The following SYN3 variants were observed in gnomAD, a reference collection of about 807,000 sequenced individuals.
SYN3 encodes the protein synapsin III, also known as synapsin-3.
Under a neutral mutation model 65.8 loss-of-function variants are expected in SYN3, and 35 were observed. The ratio of observed to expected loss-of-function variants is 0.53; its 90% CI spans 0.41 to 0.70. SYN3 has a LOEUF of 0.70. Ranked by LOEUF, SYN3 falls within the 30% of genes least tolerant of loss-of-function variation. The pLI is 0.00. For missense variants in SYN3, 680 were observed against 749.0 expected, an observed-to-expected ratio of 0.91 and a Z score of 1.08; for synonymous variants, 270 against 292.9, an observed-to-expected ratio of 0.92 and a Z score of 0.80.
intron 6 of SYN3, among the ~76,000 whole-genome samples, chr22:32,638,891 G>A (rs985110259): frequency 1.3e-5 from 2 of 152,108 alleles, no homozygotes; most frequent in African/African-American, 4.8e-5. Flanking sequence ...TCTTTCCCAA[G>A]GCCTGTGTTT....
intron 6 of SYN3, chr22:32,857,141 C>CT (rs1489805683): frequency 1.2e-6 from 1 of 839,340 alleles, no homozygotes; most frequent in East Asian, 2.5e-5. Context: ...ACCCCTCTTC[C>CT]ATATTCCGAT....
At chr22:32,999,535 T>A (rs1200765464) in intron 2 of SYN3, among the ~76,000 whole-genome samples, 1 of 151,882 alleles carries the variant, frequency 6.6e-6, no homozygotes, top group Non-Finnish European at 1.5e-5. Context: ...ATACAAAAAT[T>A]AGCTGGGCGT....
chr22:32,830,015 G>A (rs971846464), intron 6 of SYN3, among the ~76,000 whole-genome samples: 5 of 152,168 alleles, frequency 3.3e-5, no homozygotes, highest in Admixed American at 1.3e-4. Context: ...AATGTCCCTC[G>A]CTTCAACCTG....
intron 3 of SYN3, among the ~76,000 whole-genome samples, chr22:32,940,703 A>G (rs2050911300): frequency 6.6e-6 from 1 of 152,142 alleles, no homozygotes; most frequent in Non-Finnish European, 1.5e-5. Flanking sequence ...TAAATTCTCT[A>G]TTTTATTCTA....
intron 12 of SYN3, among the ~76,000 whole-genome samples, chr22:32,519,963 CTG>C (rs917178467): frequency 3.3e-5 from 5 of 152,152 alleles, no homozygotes; most frequent in African/African-American, 1.2e-4. Context: ...CACAACAGCT[CTG>C]TGGGTTAGGC....
chr22:32,850,688 C>A (rs1337687161), intron 6 of SYN3, among the ~76,000 whole-genome samples: 5 of 152,144 alleles, frequency 3.3e-5, no homozygotes, highest in African/African-American at 1.2e-4. Flanking sequence ...AACTGTCCAG[C>A]CCTTTAACTT....
intron 1 of SYN3, among the ~76,000 whole-genome samples, chr22:33,034,749 G>A (rs9609686): frequency 0.18 from 27,437 of 152,080 alleles, 2,807 homozygotes; most frequent in East Asian, 0.41. Context: ...TGAGGAAACC[G>A]AAGCTCAGGG....
chr22:32,992,111 A>G (rs967253329), intron 2 of SYN3, among the ~76,000 whole-genome samples: 3 of 151,952 alleles, frequency 2.0e-5, no homozygotes, highest in Non-Finnish European at 4.4e-5. Context: ...TGTGGAGGAG[A>G]AAACACGACT....
chr22:32,509,845 G>A lies in SYN3; in HGVS notation c.*3847C>T, dbSNP rs572181414. On this transcript the variant is annotated 3_prime_UTR_variant, in exon 14 of 14. Coordinates refer to ENST00000358763, the MANE Select transcript of SYN3 (RefSeq NM_003490.4). The stretch of plus-strand genomic sequence containing the variant: ...GGCCTCCCAAAGTGCTGGGATTACT[G>A]ATGTGAGCCACTGCGCCTGGCCCCA... Among the ~76,000 whole-genome samples the A allele has an allele frequency of 6.6e-6, 1 of 152,284 alleles. No homozygotes were observed. The highest frequency in any genetic ancestry group is 2.1e-4 in the South Asian group (1 of 4,820).
At chr22:32,696,781 G>T (rs2060742619) in intron 6 of SYN3, among the ~76,000 whole-genome samples, 1 of 152,150 alleles carries the variant, frequency 6.6e-6, no homozygotes, top group Non-Finnish European at 1.5e-5. Context: ...CTCTGTAGGA[G>T]AAAGGAGGAA....
intron 6 of SYN3, among the ~76,000 whole-genome samples, chr22:32,794,169 G>A (rs1602162668): frequency 6.6e-6 from 1 of 152,202 alleles, no homozygotes; most frequent in Admixed American, 6.5e-5. Flanking sequence ...GAATTCCAGG[G>A]TATCTCAGCT....
At chr22:32,768,677 C>T (rs985379165) in intron 6 of SYN3, among the ~76,000 whole-genome samples, 2 of 152,064 alleles carry the variant, frequency 1.3e-5, no homozygotes, top group Admixed American at 1.3e-4. Context: ...AAATATACCA[C>T]ATCTGAACAT....
chr22:32,679,811 T>C (rs2060496427), intron 6 of SYN3, among the ~76,000 whole-genome samples: 1 of 150,108 alleles, frequency 6.7e-6, no homozygotes, highest in Non-Finnish European at 1.5e-5. Context: ...TTTGCCCACT[T>C]TAAAACTGGG....
intron 1 of SYN3, among the ~76,000 whole-genome samples, chr22:33,019,143 C>T (rs1035078832): frequency 6.6e-6 from 1 of 152,170 alleles, no homozygotes; most frequent in Non-Finnish European, 1.5e-5. Context: ...TCCACATATC[C>T]CTAGGATAAA....
intron 1 of SYN3, among the ~76,000 whole-genome samples, chr22:33,027,726 A>G (rs2053664543): frequency 6.6e-6 from 1 of 152,212 alleles, no homozygotes; most frequent in South Asian, 2.1e-4. Context: ...AAAACTTCAC[A>G]GGGGTTAAGT....
In SYN3 at chr22:32,513,841, AG is replaced by A. The variant is rs2057725865; in HGVS notation, c.1611-18del. On this transcript the variant is annotated intron_variant, in intron 13 of 13. Transcript: ENST00000358763. The stretch of plus-strand genomic sequence containing the variant: ...TGAGATTTGCTGAAACAGAAAGGCA[AG>A]GGGGTTGAGGAAGACAAGGCGAAGA... The A allele has an allele frequency of 6.2e-7, 1 of 1,613,846 alleles. No homozygotes were observed. Among genetic ancestry groups the A allele is most frequent in the Admixed American group, 1.7e-5 (1 of 60,002 alleles).
chr22:32,947,789 A>C (rs1258094656), intron 3 of SYN3, among the ~76,000 whole-genome samples: 3 of 152,228 alleles, frequency 2.0e-5, no homozygotes, highest in Admixed American at 1.3e-4. Context: ...AATGCCTTCA[A>C]ACAACACAAA....
chr22:32,521,977 G>A (rs1447560605), intron 12 of SYN3, among the ~76,000 whole-genome samples: 1 of 152,200 alleles, frequency 6.6e-6, no homozygotes, highest in African/African-American at 2.4e-5. Context: ...TGGATTCAGA[G>A]ACCAGAGTGC....
At chr22:32,821,710 GGA>G (rs1482522266) in intron 6 of SYN3, among the ~76,000 whole-genome samples, 1 of 152,176 alleles carries the variant, frequency 6.6e-6, no homozygotes, top group African/African-American at 2.4e-5. Flanking sequence ...TCCAGGGGGT[GGA>G]TTCCTGAACC....
Sources: gnomAD v4.1 joint callset for allele counts (sites outside exome capture counted in the v4.1 genomes callset) on GRCh38, gnomAD v4.1.1 for gene constraint, MANE v1.5 for transcripts, NCBI Gene and HGNC (gene_info 2026-07-23, HGNC 2026-07-21) for gene names.